CNTNAP5: variants seen among roughly 807,000 people sequenced by gnomAD.
CNTNAP5 encodes contactin-associated protein-like 5.
In CNTNAP5, 72 loss-of-function variants were observed where a neutral mutation model predicts 150.2. The observed-to-expected ratio is 0.48, with a 90% CI of 0.40 to 0.58. The LOEUF (loss-of-function observed/expected upper bound fraction) is 0.58, where lower values mean the gene tolerates loss of function less well. Ranked by LOEUF, CNTNAP5 falls within the 20% of genes least tolerant of loss-of-function variation. CNTNAP5 has a pLI of 0.00. For synonymous variants in CNTNAP5, 672 were observed against 619.8 expected (o/e 1.08, Z -1.25); for missense variants, 1,636 against 1,626.2 (o/e 1.01, Z -0.10).
At chr2:124,534,424 T>G (rs1385819661) in intron 10 of CNTNAP5, among the ~76,000 whole-genome samples, 3 of 152,124 alleles carry the variant, frequency 2.0e-5, no homozygotes, top group African/African-American at 7.2e-5. Flanking sequence ...AAACAAGAGG[T>G]AGATTATTCA....
intron 10 of CNTNAP5, among the ~76,000 whole-genome samples, chr2:124,555,107 T>A (rs947257602): frequency 1.3e-4 from 20 of 151,352 alleles, no homozygotes; most frequent in Non-Finnish European, 3.0e-4. Context: ...GTATTTTTTT[T>A]AACTTGGGAA....
chr2:124,694,994 TTGTGTGTG>T (rs138349590), intron 13 of CNTNAP5, among the ~76,000 whole-genome samples: 1 of 150,206 alleles, frequency 6.7e-6, no homozygotes. Flanking sequence ...ATTTCCTAAA[TTGTGTGTG>T]TGTGTGTGTG....
At chr2:124,627,203 C>A (rs1486760321) in intron 12 of CNTNAP5, among the ~76,000 whole-genome samples, 2 of 152,190 alleles carry the variant, frequency 1.3e-5, no homozygotes, top group East Asian at 3.9e-4. Flanking sequence ...GGATTCCCCC[C>A]AGCACAGCAC....
At chr2:124,565,677 G>A in intron 11 of CNTNAP5, among the ~76,000 whole-genome samples, 1 of 129,294 alleles carries the variant, frequency 7.7e-6, no homozygotes, top group South Asian at 2.7e-4. Flanking sequence ...TCGGCTCACT[G>A]CAACCTCCGC....
rs374159740 is a variant in CNTNAP5 at position 124,570,333 on chromosome 2, G to A, written c.1756+7010G>A. On this transcript the variant is annotated intron_variant, in intron 11 of 23. Transcript: ENST00000682447. ...AGGGATGAGAAAGAGGAAGAGCACC[G>A]ACAACGGCCTTGCAGGAAGAGTGAG... 5.9e-5 allele frequency among the ~76,000 whole-genome samples: 9 copies of A among 152,282 alleles called. No individual in the cohort carries two copies. In the East Asian group the frequency reaches 9.7e-4, roughly 16 times the overall value.
chr2:124,781,418 T>C (rs1681448631), intron 17 of CNTNAP5, among the ~76,000 whole-genome samples: 1 of 152,238 alleles, frequency 6.6e-6, no homozygotes, highest in Non-Finnish European at 1.5e-5. Context: ...TGCCTCTCTC[T>C]TTCTTATATT....
chr2:124,859,491 G>A (rs1338344905), intron 19 of CNTNAP5, among the ~76,000 whole-genome samples: 1 of 152,224 alleles, frequency 6.6e-6, no homozygotes, highest in Non-Finnish European at 1.5e-5. Context: ...CATTGTGGAA[G>A]TCATTGTGGC....
chr2:124,888,693 A>G (rs1678130599), intron 21 of CNTNAP5, among the ~76,000 whole-genome samples: 2 of 152,000 alleles, frequency 1.3e-5, no homozygotes, highest in Admixed American at 6.6e-5. Context: ...TCTCTCTAAC[A>G]ATTAGTGATG....
chr2:124,330,253 C>A (rs1169934321), intron 3 of CNTNAP5, among the ~76,000 whole-genome samples: 1 of 152,140 alleles, frequency 6.6e-6, no homozygotes, highest in African/African-American at 2.4e-5. Flanking sequence ...ATATAATATT[C>A]CAGTCAAAGC....
At chr2:124,139,654 C>T (rs190222423) in intron 1 of CNTNAP5, among the ~76,000 whole-genome samples, 1 of 152,296 alleles carries the variant, frequency 6.6e-6, no homozygotes, top group Admixed American at 6.5e-5. Context: ...GTAATTATAT[C>T]CTTCCTTCGG....
intron 13 of CNTNAP5, among the ~76,000 whole-genome samples, chr2:124,697,485 A>C (rs772941180): frequency 9.2e-5 from 14 of 152,092 alleles, no homozygotes; most frequent in Admixed American, 2.0e-4. Context: ...ATCCAGTGTT[A>C]TCTCTCTGTT....
chr2:124,718,475 T>G (rs77289046), intron 13 of CNTNAP5, among the ~76,000 whole-genome samples: 6,591 of 152,188 alleles, frequency 0.043, 510 homozygotes, highest in African/African-American at 0.15. Flanking sequence ...TTGTGTCAGG[T>G]TATAAACCAT....
chr2:124,653,017 C>A (rs956954621), intron 13 of CNTNAP5, among the ~76,000 whole-genome samples: 6 of 152,166 alleles, frequency 3.9e-5, no homozygotes, highest in African/African-American at 1.4e-4. Context: ...AAAGCATTTG[C>A]GGAGCAAATC....
At chr2:124,792,076 T>C (rs1681747281) in intron 18 of CNTNAP5, among the ~76,000 whole-genome samples, 1 of 152,012 alleles carries the variant, frequency 6.6e-6, no homozygotes. Context: ...GTCTGTTTGG[T>C]GATTGGGGCA....
At chr2:124,053,990 T>A (rs558062994) in intron 1 of CNTNAP5, among the ~76,000 whole-genome samples, 19 of 152,184 alleles carry the variant, frequency 1.2e-4, no homozygotes, top group African/African-American at 4.6e-4. Flanking sequence ...TGAAACAAAG[T>A]GAAGAGAAAG....
chr2:124,605,431 A>G (rs528510884), intron 11 of CNTNAP5, among the ~76,000 whole-genome samples: 55 of 152,374 alleles, frequency 3.6e-4, no homozygotes, highest in Non-Finnish European at 6.8e-4. Context: ...TTCTGCAATG[A>G]GAAAGTTAAA....
At chr2:124,681,719 A>G (rs529639312) in intron 13 of CNTNAP5, among the ~76,000 whole-genome samples, 74 of 152,222 alleles carry the variant, frequency 4.9e-4, no homozygotes, top group African/African-American at 1.8e-3. Flanking sequence ...GCATGCCACC[A>G]TGGCAGGCTA....
chr2:124,355,954 G>A (rs1174872054), intron 3 of CNTNAP5, among the ~76,000 whole-genome samples: 1 of 152,136 alleles, frequency 6.6e-6, no homozygotes, highest in African/African-American at 2.4e-5. Flanking sequence ...GTCTGCAAAT[G>A]AAATGGAAAT....
chr2:124,431,550 T>TATATATAATTTCTTTATATAAAC (rs1692383532), intron 4 of CNTNAP5, among the ~76,000 whole-genome samples: 2 of 143,612 alleles, frequency 1.4e-5, no homozygotes, highest in African/African-American at 5.1e-5. Context: ...ATATAAATAT[T>TATATATAATTTCTTTATATAAAC]ATATATAATT....
Sources: allele counts gnomAD v4.1 joint callset (sites outside exome capture counted in the v4.1 genomes callset), GRCh38; gene constraint gnomAD v4.1.1; transcripts MANE v1.5; gene names NCBI Gene and HGNC (gene_info 2026-07-23, HGNC 2026-07-21).